The following CADM2 variants were observed in gnomAD, a reference collection of about 807,000 sequenced individuals.
The protein encoded by CADM2 is cell adhesion molecule 2.
CADM2 carries 12 observed loss-of-function variants against 49.8 expected under a neutral mutation model. That is an observed-to-expected ratio of 0.24 (90% CI 0.15 to 0.39). The LOEUF is 0.39. Among genes scored for constraint, CADM2 ranks in the 10% least tolerant of loss-of-function variants. The pLI is 1.00. For synonymous variants in CADM2, 214 were observed against 175.4 expected, an observed-to-expected ratio of 1.22 and a Z score of -1.74; for missense variants, 378 against 492.3, an observed-to-expected ratio of 0.77 and a Z score of 2.20.
chr3:85,159,551 A>T (rs552580700), intron 1 of CADM2, among the ~76,000 whole-genome samples: 13 of 152,060 alleles, frequency 8.5e-5, no homozygotes, highest in Admixed American at 8.5e-4. Flanking sequence ...AAATGGAAAA[A>T]TTTTTCGTAG....
intron 1 of CADM2, among the ~76,000 whole-genome samples, chr3:85,506,057 T>A (rs2040338144): frequency 6.6e-6 from 1 of 152,212 alleles, no homozygotes; most frequent in African/African-American, 2.4e-5. Context: ...AAACTTGCAT[T>A]ATAATACTAC....
At chr3:85,254,164 C>G (rs1446658096) in intron 1 of CADM2, among the ~76,000 whole-genome samples, 1 of 152,036 alleles carries the variant, frequency 6.6e-6, no homozygotes, top group Non-Finnish European at 1.5e-5. Flanking sequence ...GTAATATTTA[C>G]TTACATTTAT....
intron 1 of CADM2, among the ~76,000 whole-genome samples, chr3:85,229,118 A>G (rs2042226710): frequency 6.6e-6 from 1 of 152,138 alleles, no homozygotes. Flanking sequence ...TGAGCATAAA[A>G]CTGCCTATTC....
At chr3:84,992,412 C>T (rs112078085) in intron 1 of CADM2, among the ~76,000 whole-genome samples, 35 of 92,132 alleles carry the variant, frequency 3.8e-4, no homozygotes, top group African/African-American at 9.0e-4. Context: ...GGGCGGATCA[C>T]GAGGTCAAGA....
chr3:85,143,853 G>C (rs1020174010), intron 1 of CADM2, among the ~76,000 whole-genome samples: 13 of 152,040 alleles, frequency 8.6e-5, no homozygotes, highest in Admixed American at 2.0e-4. Flanking sequence ...CCGTTCCATG[G>C]CTCAAGTTTT....
intron 1 of CADM2, among the ~76,000 whole-genome samples, chr3:85,067,793 A>G (rs1326124946): frequency 6.6e-6 from 1 of 152,136 alleles, no homozygotes; most frequent in East Asian, 1.9e-4. Context: ...TGAAATACTT[A>G]TTTACATTGT....
intron 1 of CADM2, among the ~76,000 whole-genome samples, chr3:85,292,547 C>G (rs2043831034): frequency 6.6e-6 from 1 of 151,916 alleles, no homozygotes; most frequent in Non-Finnish European, 1.5e-5. Flanking sequence ...AAGTAAAGCT[C>G]TCCTCAGCAA....
intron 1 of CADM2, among the ~76,000 whole-genome samples, chr3:85,379,891 A>G (rs949325879): frequency 1.3e-5 from 2 of 152,004 alleles, no homozygotes; most frequent in Non-Finnish European, 2.9e-5. Context: ...AGCTTTCATT[A>G]TTTCCTCTGA....
At position 85,409,854 on chromosome 3, in the gene CADM2, A is replaced by G. The variant is rs563905490; in HGVS notation, c.62-316668A>G. ...CCCAAATTTTCTACCTGAAACAACT[A>G]TATTTCAGGAAAAAAACTCAAAATC... On this transcript the variant is annotated intron_variant, in intron 1 of 9. Transcript: ENST00000383699. Among the ~76,000 whole-genome samples the G allele has an allele frequency of 3.9e-5, 6 of 152,270 alleles. No individual in the cohort carries two copies. In the South Asian group the frequency reaches 8.3e-4, roughly 21 times the overall value.
intron 1 of CADM2, among the ~76,000 whole-genome samples, chr3:85,161,309 A>G (rs762652259): frequency 1.1e-4 from 16 of 152,150 alleles, no homozygotes; most frequent in Non-Finnish European, 1.8e-4. Flanking sequence ...GAAATAACTC[A>G]TTGTACTGGA....
At chr3:85,998,698 G>T (rs1366687982) in intron 8 of CADM2, among the ~76,000 whole-genome samples, 2 of 152,054 alleles carry the variant, frequency 1.3e-5, no homozygotes, top group Non-Finnish European at 2.9e-5. Context: ...TGATAAAACG[G>T]TACTTAGGCT....
chr3:85,583,001 A>T (rs2062839306), intron 1 of CADM2, among the ~76,000 whole-genome samples: 1 of 152,172 alleles, frequency 6.6e-6, no homozygotes, highest in Non-Finnish European at 1.5e-5. Context: ...ACTGAAAGAG[A>T]TAAATTACTT....
chr3:85,861,274 T>G (rs2075523045), intron 3 of CADM2, among the ~76,000 whole-genome samples: 1 of 152,190 alleles, frequency 6.6e-6, no homozygotes, highest in African/African-American at 2.4e-5. Context: ...TTCAGTCTAT[T>G]TCCAATTACA....
intron 1 of CADM2, among the ~76,000 whole-genome samples, chr3:85,364,956 GGAAAA>G (rs1273853515): frequency 6.6e-6 from 1 of 152,014 alleles, no homozygotes; most frequent in East Asian, 1.9e-4. Context: ...CTATAGCATT[GGAAAA>G]TGGCACGATG....
At position 85,189,786 on chromosome 3, in the gene CADM2, C is replaced by T. The variant is rs535314719; in HGVS notation, c.61+230118C>T. 2.6e-5 allele frequency among the ~76,000 whole-genome samples: 4 copies of T among 152,162 alleles called. No individual in the cohort carries two copies. The East Asian group carries it at 7.8e-4, about 29-fold the overall frequency. On this transcript the variant is annotated intron_variant, in intron 1 of 9. Transcript: ENST00000383699. ...ACCAGGGGATATAGTGGGGTTACTACCATCTCAGCTTAACTGAAGAAAGAT... is the reference window on the plus strand; with the variant it reads ...ACCAGGGGATATAGTGGGGTTACTATCATCTCAGCTTAACTGAAGAAAGAT...
chr3:85,335,556 C>CTT (rs1005699091), intron 1 of CADM2, among the ~76,000 whole-genome samples: 4 of 147,860 alleles, frequency 2.7e-5, no homozygotes, highest in African/African-American at 9.9e-5. Flanking sequence ...ATATTTATCA[C>CTT]TTTTTTTTTT....
At chr3:85,864,908 C>T (rs563287424) in intron 3 of CADM2, among the ~76,000 whole-genome samples, 1 of 152,294 alleles carries the variant, frequency 6.6e-6, no homozygotes, top group South Asian at 2.1e-4. Context: ...TATTCCAACT[C>T]TCACTTCCCA....
intron 3 of CADM2, among the ~76,000 whole-genome samples, chr3:85,823,296 C>T (rs938640123): frequency 2.0e-5 from 3 of 151,928 alleles, no homozygotes; most frequent in African/African-American, 7.3e-5. Flanking sequence ...AGCTAAGAAC[C>T]CTGATATTTA....
intron 2 of CADM2, among the ~76,000 whole-genome samples, chr3:85,753,417 A>G (rs1270176177): frequency 6.6e-6 from 1 of 152,124 alleles, no homozygotes; most frequent in Non-Finnish European, 1.5e-5. Context: ...TGCAAGAAGA[A>G]ATAGGCAGAC....
Sources: gnomAD v4.1 joint callset for allele counts (sites outside exome capture counted in the v4.1 genomes callset) on GRCh38, gnomAD v4.1.1 for gene constraint, MANE v1.5 for transcripts, NCBI Gene and HGNC (gene_info 2026-07-23, HGNC 2026-07-21) for gene names.